SLC1A2: variants seen among roughly 807,000 people sequenced by gnomAD.
The protein encoded by SLC1A2 is excitatory amino acid transporter 2.
In SLC1A2, 15 loss-of-function variants were observed where a neutral mutation model predicts 48.8. The ratio of observed to expected loss-of-function variants is 0.31; its 90% CI spans 0.21 to 0.47. SLC1A2 has a LOEUF of 0.47. Ranked by LOEUF, SLC1A2 falls within the 20% of genes least tolerant of loss-of-function variation. The pLI, the probability that SLC1A2 is intolerant of heterozygous loss-of-function variation, is 0.99. For synonymous variants in SLC1A2, 279 were observed against 272.6 expected, an observed-to-expected ratio of 1.02 and a Z score of -0.23; for missense variants, 502 against 730.5, an observed-to-expected ratio of 0.69 and a Z score of 3.61.
At chr11:35,287,827 G>A (rs2134724545) in intron 7 of SLC1A2, among the ~76,000 whole-genome samples, 1 of 152,300 alleles carries the variant, frequency 6.6e-6, no homozygotes, top group East Asian at 1.9e-4. Context: ...AGGGTGAGTG[G>A]ATTTGCTGCA....
intron 1 of SLC1A2, among the ~76,000 whole-genome samples, chr11:35,325,343 G>A (rs977924018): frequency 2.0e-5 from 3 of 152,130 alleles, no homozygotes; most frequent in Admixed American, 2.0e-4. Flanking sequence ...TTACCATGTC[G>A]CCTGTGCTCT....
Position 35,259,761 on chromosome 11 carries a change from A to G in SLC1A2, c.*1133T>C, listed in dbSNP as rs1379539039. On this transcript the variant is annotated 3_prime_UTR_variant, in exon 11 of 11. Coordinates refer to ENST00000278379, the MANE Select transcript of SLC1A2 (RefSeq NM_004171.4). The stretch of plus-strand genomic sequence containing the variant: ...GGCTCTGCTTCCAACTGTGTCCTAT[A>G]ACTGGTTTTATGTGCTTTGATAGAA... 2.0e-5 allele frequency: 3 copies of G among 152,212 alleles called. No individual in the cohort carries two copies. The highest frequency in any genetic ancestry group is 2.9e-5 in the Non-Finnish European group (2 of 68,042). The allele number at this position is 152,212 out of a possible 1,614,324, so 9.4% of individuals were successfully genotyped here.
At chr11:35,413,245 G>C (rs1424593493) in intron 1 of SLC1A2, among the ~76,000 whole-genome samples, 1 of 152,174 alleles carries the variant, frequency 6.6e-6, no homozygotes, top group African/African-American at 2.4e-5. Context: ...GTTAACCCCT[G>C]CCCTGCTGGA....
intron 1 of SLC1A2, among the ~76,000 whole-genome samples, chr11:35,414,443 G>T (rs952471170): frequency 2.0e-5 from 3 of 152,186 alleles, no homozygotes; most frequent in African/African-American, 7.2e-5. Flanking sequence ...CAATGATGGA[G>T]CACTTGAAGA....
chr11:35,356,301 T>C (rs1853459004), intron 1 of SLC1A2, among the ~76,000 whole-genome samples: 1 of 152,238 alleles, frequency 6.6e-6, no homozygotes, highest in Non-Finnish European at 1.5e-5. Flanking sequence ...AGTGATGTTA[T>C]GGGCAGGTGT....
chr11:35,395,410 A>T (rs966749205), intron 1 of SLC1A2, among the ~76,000 whole-genome samples: 6 of 152,102 alleles, frequency 3.9e-5, no homozygotes, highest in Non-Finnish European at 8.8e-5. Flanking sequence ...AGCTCTTCCC[A>T]CATCACCCCT....
intron 1 of SLC1A2, among the ~76,000 whole-genome samples, chr11:35,350,315 C>A (rs1367390973): frequency 1.3e-5 from 2 of 152,102 alleles, no homozygotes; most frequent in African/African-American, 2.4e-5. Context: ...CTTGTTTTAT[C>A]TTGTAGGATA....
At chr11:35,400,697 T>A (rs1855109507) in intron 1 of SLC1A2, among the ~76,000 whole-genome samples, 1 of 152,218 alleles carries the variant, frequency 6.6e-6, no homozygotes, top group Admixed American at 6.5e-5. Flanking sequence ...GGGATAACTT[T>A]TTTTTAAGTC....
intron 1 of SLC1A2, among the ~76,000 whole-genome samples, chr11:35,403,499 C>T (rs950303381): frequency 6.6e-6 from 1 of 152,174 alleles, no homozygotes; most frequent in Non-Finnish European, 1.5e-5. Context: ...TGTGGCTGCC[C>T]TGTAGGACTG....
In SLC1A2 at chr11:35,362,985, G is replaced by T. The variant is rs1853730561; in HGVS notation, c.18-45469C>A. On this transcript the variant is annotated intron_variant, in intron 1 of 10. Transcript: ENST00000278379. ...AATCTTTCAAAAACCTGATGAGGTA[G>T]CACTACTATTATTCCTATTGGGGAC... is the stretch of plus-strand genomic sequence containing the variant. Among the ~76,000 whole-genome samples, 3 of 152,218 alleles carry T rather than the reference G, an allele frequency of 2.0e-5. No homozygotes were observed. The South Asian group carries it at 6.2e-4, about 31-fold the overall frequency.
At chr11:35,320,945 C>A (rs1415128724) in intron 1 of SLC1A2, among the ~76,000 whole-genome samples, 1 of 152,160 alleles carries the variant, frequency 6.6e-6, no homozygotes. Context: ...AGTCCATTCT[C>A]ACTCTGCTAA....
intron 1 of SLC1A2, among the ~76,000 whole-genome samples, chr11:35,371,872 C>G (rs1003114997): frequency 2.0e-5 from 3 of 152,214 alleles, no homozygotes; most frequent in African/African-American, 4.8e-5. Flanking sequence ...ACTATTCTAC[C>G]TGATCTTGAA....
intron 1 of SLC1A2, among the ~76,000 whole-genome samples, chr11:35,378,592 T>C (rs1854317332): frequency 1.3e-5 from 2 of 152,184 alleles, no homozygotes; most frequent in Admixed American, 1.3e-4. Context: ...ATTAAGAACC[T>C]TTCCAATGCA....
At chr11:35,325,340 G>T (rs1024802988) in intron 1 of SLC1A2, among the ~76,000 whole-genome samples, 2 of 152,148 alleles carry the variant, frequency 1.3e-5, no homozygotes, top group Non-Finnish European at 2.9e-5. Flanking sequence ...AGTTTACCAT[G>T]TCGCCTGTGC....
At chr11:35,392,969 G>A (rs982840114) in intron 1 of SLC1A2, among the ~76,000 whole-genome samples, 1 of 152,136 alleles carries the variant, frequency 6.6e-6, no homozygotes, top group Admixed American at 6.5e-5. Flanking sequence ...TTCCAGCACT[G>A]GTCAAATGAC....
chr11:35,290,225 G>T (rs1185430278), intron 7 of SLC1A2, among the ~76,000 whole-genome samples: 4 of 152,112 alleles, frequency 2.6e-5, no homozygotes, highest in Non-Finnish European at 5.9e-5. Context: ...TATCCTGAGG[G>T]GATCATCATA....
chr11:35,394,529 G>A (rs1448892577), intron 1 of SLC1A2, among the ~76,000 whole-genome samples: 3 of 152,072 alleles, frequency 2.0e-5, no homozygotes, highest in Non-Finnish European at 2.9e-5. Flanking sequence ...TTAGAAAAAC[G>A]ACCAAATGAC....
At chr11:35,274,334 AG>A (rs1850373652) in intron 9 of SLC1A2, among the ~76,000 whole-genome samples, 1 of 152,164 alleles carries the variant, frequency 6.6e-6, no homozygotes, top group African/African-American at 2.4e-5. Flanking sequence ...CTCAAGTCAG[AG>A]AAACTTTGGT....
Position 35,280,073 on chromosome 11 carries a change from T to C in SLC1A2, c.1421+794A>G, listed in dbSNP as rs1015771146. Among the ~76,000 whole-genome samples, 9 of 152,196 alleles carry C rather than the reference T, an allele frequency of 5.9e-5. 1 individual carries two copies. Among genetic ancestry groups the C allele is most frequent in the African/African-American group, 1.9e-4 (8 of 41,434 alleles). ...TGTGCATACCTGTGCATATGGAACATTTCTGTCACTCCCAAAGGTTTCCTT... is the reference window on the plus strand; with the variant it reads ...TGTGCATACCTGTGCATATGGAACACTTCTGTCACTCCCAAAGGTTTCCTT... On this transcript the variant is annotated intron_variant, in intron 9 of 10. Transcript: ENST00000278379.
Sources: gnomAD v4.1 joint callset for allele counts (sites outside exome capture counted in the v4.1 genomes callset) on GRCh38, gnomAD v4.1.1 for gene constraint, MANE v1.5 for transcripts, NCBI Gene and HGNC (gene_info 2026-07-23, HGNC 2026-07-21) for gene names.